Variants in RBBP8 observed in about 807,000 individuals in gnomAD.
The protein encoded by RBBP8 is DNA endonuclease RBBP8.
Under a neutral mutation model 108.3 loss-of-function variants are expected in RBBP8, and 88 were observed. That is an observed-to-expected ratio of 0.81 (90% CI 0.68 to 0.97). RBBP8 has a LOEUF of 0.97. RBBP8 is among the 50% of genes least tolerant of loss of function. The probability of loss-of-function intolerance (pLI) is 0.00; values close to 1 mark genes in which losing one functional copy is unlikely to be tolerated. For synonymous variants in RBBP8, 332 were observed against 348.2 expected, an observed-to-expected ratio of 0.95 and a Z score of 0.52; for missense variants, 1,023 against 1,049.0, an observed-to-expected ratio of 0.98 and a Z score of 0.34.
Position 23,006,354 on chromosome 18 carries a change from T to C in RBBP8, c.2288-9T>C. ...CATTTAGTTTGTAATGTGCATGTTT[T>C]ATTTATAGCTCATGGTGATAAACAA... On this transcript the variant is annotated splice_polypyrimidine_tract_variant and intron_variant, in intron 15 of 18. Coordinates refer to ENST00000327155, the MANE Select transcript of RBBP8 (RefSeq NM_002894.3). 6.2e-7 allele frequency: 1 copy of C among 1,609,742 alleles called. No homozygotes were observed. The highest frequency in any genetic ancestry group is 8.5e-7 in the Non-Finnish European group (1 of 1,176,192).
intron 2 of RBBP8, among the ~76,000 whole-genome samples, chr18:22,942,945 A>G (rs1474569138): frequency 6.6e-6 from 1 of 152,116 alleles, no homozygotes; most frequent in African/African-American, 2.4e-5. Flanking sequence ...ATCAGTTTCA[A>G]AGAAAACTAG....
chr18:23,006,321 A>C, intron 15 of RBBP8, 42 bp from the exon 16 acceptor site: 1 of 1,528,300 alleles, frequency 6.5e-7, no homozygotes, highest in Non-Finnish European at 9.1e-7. Context: ...ATTTCTCATT[A>C]AGTTCTACAT....
At chr18:22,943,150 C>T (rs1277696296) in intron 2 of RBBP8, among the ~76,000 whole-genome samples, 1 of 151,794 alleles carries the variant, frequency 6.6e-6, no homozygotes, top group Non-Finnish European at 1.5e-5. Context: ...TTGTCCCACT[C>T]ATTATTAAGA....
intron 16 of RBBP8, 92 bp downstream of exon 16, chr18:23,006,524 C>T: frequency 3.6e-6 from 4 of 1,114,732 alleles, no homozygotes; most frequent in Non-Finnish European, 5.3e-6. Context: ...TTTTTAAAGA[C>T]AGAGTCTTGC....
intron 4 of RBBP8, among the ~76,000 whole-genome samples, chr18:22,966,592 A>AAAAG (rs149534866): frequency 4.9e-5 from 7 of 143,544 alleles, no homozygotes; most frequent in Admixed American, 1.4e-4. Flanking sequence ...AAAAAAAAAA[A>AAAAG]GTCTATGTTC....
chr18:22,984,930 C>A lies in RBBP8; in HGVS notation c.649C>A (p.Pro217Thr). 1 of 1,611,454 alleles carries A rather than the reference C, an allele frequency of 6.2e-7. No homozygotes were observed. The highest frequency in any genetic ancestry group is 1.1e-5 in the South Asian group (1 of 90,884). ...SKSSTHPQHNPNENEILVADT... is the reference protein window; with the variant it reads ...SKSSTHPQHNTNENEILVADT... ...GTCTTCAACTCATCCACAACATAAT[C>A]CTAATGAAAATGAAATTCTAGTAGC... Residue 217 changes from proline to threonine, a missense_variant, in exon 8 of 19, where the codon CCT (proline) becomes ACT (threonine). Pro to Thr is a conservative substitution (Grantham distance 38). Transcript: ENST00000327155.
At chr18:22,977,754 T>C (rs1466723224) in intron 6 of RBBP8, 1 of 152,164 alleles carries the variant, frequency 6.6e-6, no homozygotes. Flanking sequence ...TTACACTGCT[T>C]ATAAGTTATA....
chr18:22,960,691 G>A (rs1265275208), intron 4 of RBBP8, among the ~76,000 whole-genome samples: 1 of 152,146 alleles, frequency 6.6e-6, no homozygotes, highest in African/African-American at 2.4e-5. Flanking sequence ...TCCTGCCTCA[G>A]CCTCCCAAAG....
At chr18:22,921,147 A>C (rs749090778) in intron 3 of RBBP8, among the ~76,000 whole-genome samples, 3 of 152,154 alleles carry the variant, frequency 2.0e-5, no homozygotes, top group Non-Finnish European at 4.4e-5. Context: ...CCTCTGGCTT[A>C]TGTGCGAGTT....
chr18:22,995,732 AT>A (rs2045844980), intron 12 of RBBP8, among the ~76,000 whole-genome samples: 1 of 152,110 alleles, frequency 6.6e-6, no homozygotes, highest in Non-Finnish European at 1.5e-5. Context: ...ATATATCAAT[AT>A]TTTATTTCTT....
At chr18:22,918,727 G>C (rs2034932) in intron 3 of RBBP8, among the ~76,000 whole-genome samples, 1 of 151,756 alleles carries the variant, frequency 6.6e-6, no homozygotes, top group Non-Finnish European at 1.5e-5. Flanking sequence ...CCCAGGTTTA[G>C]CCTCCCATGT....
chr18:22,995,941 A>G (rs2045849557), intron 12 of RBBP8, among the ~76,000 whole-genome samples: 1 of 152,174 alleles, frequency 6.6e-6, no homozygotes, highest in African/African-American at 2.4e-5. Flanking sequence ...CCAATTCTAC[A>G]TTTTACCTTT....
chr18:22,931,406 A>C (rs1280227939), upstream of RBBP8, among the ~76,000 whole-genome samples: 2 of 152,234 alleles, frequency 1.3e-5, no homozygotes, highest in Non-Finnish European at 2.9e-5. Flanking sequence ...GAAAGGGTTT[A>C]AGCAGCATAG....
At chr18:23,018,597 A>C (rs1040780765) in intron 17 of RBBP8, among the ~76,000 whole-genome samples, 2 of 152,168 alleles carry the variant, frequency 1.3e-5, no homozygotes, top group Non-Finnish European at 2.9e-5. Context: ...AATTACCTCT[A>C]ATTACTTATA....
chr18:22,935,817 A>G (rs958762697), intron 1 of RBBP8, among the ~76,000 whole-genome samples: 13 of 152,348 alleles, frequency 8.5e-5, no homozygotes, highest in Admixed American at 7.8e-4. Context: ...AATAAACTTA[A>G]TGATTCACCT....
At chr18:22,970,413 A>C (rs1913984909) in intron 5 of RBBP8, among the ~76,000 whole-genome samples, 1 of 152,250 alleles carries the variant, frequency 6.6e-6, no homozygotes, top group Non-Finnish European at 1.5e-5. Flanking sequence ...TCTAGGTGTT[A>C]AAGTATAAGA....
chr18:22,953,623 G>T (rs1459405253), intron 4 of RBBP8, among the ~76,000 whole-genome samples: 4 of 152,026 alleles, frequency 2.6e-5, no homozygotes, highest in South Asian at 2.1e-4. Flanking sequence ...TTGCAGTCTT[G>T]TACTTCCTTT....
chr18:22,978,075 T>C (rs1914619176), intron 6 of RBBP8, among the ~76,000 whole-genome samples: 1 of 152,224 alleles, frequency 6.6e-6, no homozygotes, highest in Admixed American at 6.5e-5. Flanking sequence ...ACAATGGCTA[T>C]AATGTTACTT....
At chr18:23,017,424 C>T (rs1407765171) in intron 17 of RBBP8, among the ~76,000 whole-genome samples, 3 of 150,094 alleles carry the variant, frequency 2.0e-5, no homozygotes, top group East Asian at 2.0e-4. Flanking sequence ...GAGGCCAAGG[C>T]GGGCGGATCA....
Sources: gnomAD v4.1 joint callset for allele counts (sites outside exome capture counted in the v4.1 genomes callset) on GRCh38, gnomAD v4.1.1 for gene constraint, MANE v1.5 for transcripts, NCBI Gene and HGNC (gene_info 2026-07-23, HGNC 2026-07-21) for gene names.